ITGA9: variants seen among roughly 807,000 people sequenced by gnomAD.
ITGA9 encodes integrin subunit alpha 9, also known as integrin alpha-9.
ITGA9 carries 56 observed loss-of-function variants against 127.8 expected under a neutral mutation model. That is an observed-to-expected ratio of 0.44 (90% confidence interval 0.35 to 0.55). The LOEUF (loss-of-function observed/expected upper bound fraction) is 0.55. ITGA9 is among the 20% of genes least tolerant of loss of function. The pLI is 0.00. For synonymous variants in ITGA9, 508 were observed against 514.5 expected, an observed-to-expected ratio of 0.99 and a Z score of 0.17; for missense variants, 1,196 against 1,347.1, an observed-to-expected ratio of 0.89 and a Z score of 1.76.
intron 19 of ITGA9, among the ~76,000 whole-genome samples, chr3:37,734,386 A>G (rs1234062686): frequency 3.3e-5 from 5 of 152,224 alleles, no homozygotes; most frequent in Non-Finnish European, 7.3e-5. Flanking sequence ...AATAGGCTTA[A>G]CTGGAAAACT....
chr3:37,821,227 C>T lies in ITGA9; in HGVS notation c.*2238C>T, dbSNP rs6796546. On this transcript the variant is annotated 3_prime_UTR_variant, in exon 28 of 28. Coordinates refer to ENST00000264741, the MANE Select transcript of ITGA9 (RefSeq NM_002207.3). ...ACAGAGGTAGCTACAGGGAGCAGGACGAGGCAAAGAAAGCAGCTGTCACTC... is the reference window on the plus strand; with the variant it reads ...ACAGAGGTAGCTACAGGGAGCAGGATGAGGCAAAGAAAGCAGCTGTCACTC... 82,718 of 152,080 alleles carry T rather than the reference C, an allele frequency of 0.54. 25,036 individuals carry two copies. The highest frequency in any genetic ancestry group is 0.82 in the African/African-American group (34,147 of 41,462). The allele number at this position is 152,080 out of a possible 1,614,324, so 9.4% of individuals were successfully genotyped here.
At chr3:37,484,869 C>T (rs1698593113) in intron 4 of ITGA9, among the ~76,000 whole-genome samples, 1 of 152,200 alleles carries the variant, frequency 6.6e-6, no homozygotes, top group African/African-American at 2.4e-5. Context: ...CAGTGTCTGG[C>T]ATATACTTGC....
At chr3:37,537,223 G>A (rs935257277) in intron 14 of ITGA9, among the ~76,000 whole-genome samples, 1 of 151,820 alleles carries the variant, frequency 6.6e-6, no homozygotes, top group Non-Finnish European at 1.5e-5. Context: ...TGGGAGAATG[G>A]GGGGAAAATT....
At chr3:37,653,860 A>G in intron 17 of ITGA9, 70 bp downstream of exon 17, 1 of 1,103,852 alleles carries the variant, frequency 9.1e-7, no homozygotes, top group Non-Finnish European at 1.4e-6. Context: ...CCAAACCTGA[A>G]TGTGCAGATT....
chr3:37,603,617 C>A (rs1354707144), intron 15 of ITGA9, among the ~76,000 whole-genome samples: 1 of 152,200 alleles, frequency 6.6e-6, no homozygotes, highest in Non-Finnish European at 1.5e-5. Flanking sequence ...AATGGAGCAT[C>A]TCTAAGTTTC....
intron 15 of ITGA9, among the ~76,000 whole-genome samples, chr3:37,619,585 A>C (rs1263261985): frequency 6.6e-6 from 1 of 152,244 alleles, no homozygotes; most frequent in South Asian, 2.1e-4. Context: ...GGAATGGGGC[A>C]GGTATTAGTT....
intron 15 of ITGA9, among the ~76,000 whole-genome samples, chr3:37,546,110 TTG>T (rs1177207974): frequency 6.6e-6 from 1 of 152,188 alleles, no homozygotes; most frequent in East Asian, 1.9e-4. Flanking sequence ...AACAGAAACT[TTG>T]TACCTTTCTA....
intron 3 of ITGA9, among the ~76,000 whole-genome samples, chr3:37,478,814 C>G (rs1244295600): frequency 1.3e-5 from 2 of 152,206 alleles, no homozygotes. Context: ...ACACTTTGAT[C>G]TCTGACCTCC....
At chr3:37,682,339 G>A (rs1172022339) in intron 17 of ITGA9, among the ~76,000 whole-genome samples, 2 of 152,226 alleles carry the variant, frequency 1.3e-5, no homozygotes, top group Non-Finnish European at 2.9e-5. Context: ...CCAATGGCCA[G>A]TTCTAATTAT....
At chr3:37,808,241 C>T (rs77798093) in intron 27 of ITGA9, 5,409 of 152,384 alleles carry the variant, frequency 0.035, 316 homozygotes, top group African/African-American at 0.12. Flanking sequence ...ACCTCTGATT[C>T]CTGGTCCCAC....
intron 11 of ITGA9, among the ~76,000 whole-genome samples, chr3:37,520,753 C>T (rs889441223): frequency 6.6e-6 from 1 of 152,168 alleles, no homozygotes; most frequent in Non-Finnish European, 1.5e-5. Context: ...ACAAGAGCTG[C>T]CCTAGGCTGC....
chr3:37,593,693 T>C (rs2125616435), intron 15 of ITGA9, among the ~76,000 whole-genome samples: 1 of 152,352 alleles, frequency 6.6e-6, no homozygotes, highest in African/African-American at 2.4e-5. Context: ...GAATGTGGTG[T>C]TGGAGGACAC....
At chr3:37,637,113 C>T (rs935295211) in intron 16 of ITGA9, among the ~76,000 whole-genome samples, 3 of 152,052 alleles carry the variant, frequency 2.0e-5, no homozygotes, top group East Asian at 1.9e-4. Flanking sequence ...CTTGGCGATG[C>T]GGGCTCTTTT....
At chr3:37,769,570 T>A (rs1212177606) in intron 23 of ITGA9, among the ~76,000 whole-genome samples, 1 of 152,166 alleles carries the variant, frequency 6.6e-6, no homozygotes, top group African/African-American at 2.4e-5. Flanking sequence ...CTGCCTCAGT[T>A]CTGGCCACTG....
At chr3:37,549,797 C>T (rs1206750854) in intron 15 of ITGA9, among the ~76,000 whole-genome samples, 1 of 152,096 alleles carries the variant, frequency 6.6e-6, no homozygotes, top group African/African-American at 2.4e-5. Context: ...TCCATTTTTA[C>T]TCTAGGAGTT....
At chr3:37,786,337 G>GT (rs1274629473) in intron 26 of ITGA9, among the ~76,000 whole-genome samples, 1 of 152,186 alleles carries the variant, frequency 6.6e-6, no homozygotes, top group Non-Finnish European at 1.5e-5. Flanking sequence ...CAAGACCCTG[G>GT]TTGGGAAAGT....
rs557205835 is a variant in ITGA9, at chr3:37,646,211, C to T, written c.1840-7503C>T. Among the ~76,000 whole-genome samples the T allele has an allele frequency of 4.6e-5, 7 of 152,296 alleles. No homozygotes were observed. The South Asian group carries it at 1.5e-3, about 32-fold the overall frequency. The stretch of plus-strand genomic sequence containing the variant: ...AAGTTTTATTGGAACACATCTATGC[C>T]CATTCCCTTATGTATTATCTATGGC... On this transcript the variant is annotated intron_variant, in intron 16 of 27. Coordinates refer to ENST00000264741, the MANE Select transcript of ITGA9 (RefSeq NM_002207.3).
chr3:37,501,699 T>C (rs548651193), intron 5 of ITGA9, among the ~76,000 whole-genome samples: 1 of 152,248 alleles, frequency 6.6e-6, no homozygotes, highest in East Asian at 1.9e-4. Flanking sequence ...CAACATTTGG[T>C]CTAGGATTCA....
At chr3:37,662,986 A>G (rs1700552369) in intron 17 of ITGA9, among the ~76,000 whole-genome samples, 1 of 152,194 alleles carries the variant, frequency 6.6e-6, no homozygotes, top group Admixed American at 6.5e-5. Context: ...ACCAGGATTC[A>G]TGGATGTTTT....
Sources: gnomAD v4.1 joint callset for allele counts (sites outside exome capture counted in the v4.1 genomes callset) on GRCh38, gnomAD v4.1.1 for gene constraint, MANE v1.5 for transcripts, NCBI Gene and HGNC (gene_info 2026-07-23, HGNC 2026-07-21) for gene names.